The following WWOX variants were observed in gnomAD, a reference collection of about 807,000 sequenced individuals.
WWOX encodes the protein WW domain-containing oxidoreductase.
In WWOX, 69 loss-of-function variants were observed where a neutral mutation model predicts 46.2. The ratio of observed to expected loss-of-function variants is 1.49; its 90% CI spans 1.23 to 1.82. WWOX has a LOEUF of 1.82. WWOX is among the 40% of genes most tolerant of loss of function. The pLI is 0.00. For missense variants in WWOX, 919 were observed against 542.6 expected, an observed-to-expected ratio of 1.69 and a Z score of -6.89; for synonymous variants, 359 against 202.6, an observed-to-expected ratio of 1.77 and a Z score of -6.56.
At chr16:78,331,573 C>G (rs944478570) in intron 5 of WWOX, among the ~76,000 whole-genome samples, 3 of 152,162 alleles carry the variant, frequency 2.0e-5, no homozygotes, top group African/African-American at 7.2e-5. Context: ...TACCAGGCAG[C>G]ACACAGACGT....
rs368749554 is a variant in WWOX, at chr16:78,347,544, G to A, written c.517-39316G>A. ...TTGCATGTTCCTGAGCTTCTTAGGC[G>A]TGTTGCATCTTCCTGACCTTCCCAG... On this transcript the variant is annotated intron_variant, in intron 5 of 8. Transcript: ENST00000566780. Among the ~76,000 whole-genome samples, 11 of 118,552 alleles carry A rather than the reference G, an allele frequency of 9.3e-5. 3 individuals carry two copies. Among genetic ancestry groups the A allele is most frequent in the Non-Finnish European group, 1.8e-4 (9 of 49,980 alleles). 77.8% of individuals were successfully genotyped at this position (118,552 alleles called of 152,430 possible).
intron 4 of WWOX, chr16:78,124,136 A>C (rs1211952875): frequency 6.6e-6 from 1 of 152,170 alleles, no homozygotes; most frequent in Non-Finnish European, 1.5e-5. Flanking sequence ...ATGGGGACAA[A>C]AACGAATATG....
intron 8 of WWOX, among the ~76,000 whole-genome samples, chr16:78,481,852 TA>T (rs1364787722): frequency 1.3e-5 from 2 of 151,128 alleles, no homozygotes; most frequent in African/African-American, 4.8e-5. Flanking sequence ...GAACCTTTTC[TA>T]TTAATCTTCT....
intron 8 of WWOX, among the ~76,000 whole-genome samples, chr16:78,807,169 C>T (rs4145519): frequency 6.6e-6 from 1 of 151,994 alleles, no homozygotes; most frequent in African/African-American, 2.4e-5. Flanking sequence ...ATTTAGGTTT[C>T]TTGTGTCCTA....
At chr16:78,604,603 C>T (rs2045699604) in intron 8 of WWOX, among the ~76,000 whole-genome samples, 1 of 151,610 alleles carries the variant, frequency 6.6e-6, no homozygotes, top group Admixed American at 6.6e-5. Flanking sequence ...TATTATTTAC[C>T]CTTTTTCTTC....
intron 4 of WWOX, among the ~76,000 whole-genome samples, chr16:78,150,352 C>T (rs1597271778): frequency 6.6e-6 from 1 of 152,140 alleles, no homozygotes. Context: ...GGAAGCTCTC[C>T]AAACCCTATC....
intron 8 of WWOX, among the ~76,000 whole-genome samples, chr16:78,684,694 G>C (rs759161373): frequency 5.9e-5 from 9 of 152,146 alleles, no homozygotes; most frequent in Non-Finnish European, 1.5e-5. Context: ...TCTTCTTCCA[G>C]GTTAATCTTG....
chr16:78,775,713 A>G (rs1209628704), intron 8 of WWOX, among the ~76,000 whole-genome samples: 1 of 152,198 alleles, frequency 6.6e-6, no homozygotes, highest in East Asian at 1.9e-4. Flanking sequence ...ACAGGTGTTC[A>G]TTCAATGGTG....
intron 8 of WWOX, among the ~76,000 whole-genome samples, chr16:78,931,608 A>T (rs1451683554): frequency 1.3e-5 from 2 of 152,250 alleles, no homozygotes; most frequent in Admixed American, 6.5e-5. Flanking sequence ...GAGGAGGCAC[A>T]TATAAAAGTA....
chr16:79,068,105 G>T (rs1487438134), intron 8 of WWOX, among the ~76,000 whole-genome samples: 1 of 152,212 alleles, frequency 6.6e-6, no homozygotes, highest in Non-Finnish European at 1.5e-5. Flanking sequence ...GGCTCCGGAA[G>T]ATCCCTAACC....
At chr16:78,837,265 T>A (rs1211156493) in intron 8 of WWOX, among the ~76,000 whole-genome samples, 1 of 152,206 alleles carries the variant, frequency 6.6e-6, no homozygotes, top group Non-Finnish European at 1.5e-5. Context: ...TCATAGAGAT[T>A]ACCTTTCAAC....
At chr16:78,104,257 C>CACACACACACACACACAG (rs2031993982) in intron 1 of WWOX, among the ~76,000 whole-genome samples, 1 of 151,466 alleles carries the variant, frequency 6.6e-6, no homozygotes, top group African/African-American at 2.4e-5. Flanking sequence ...CACACACACA[C>CACACACACACACACACAG]ACACACACAC....
At chr16:78,582,073 G>A (rs925807028) in intron 8 of WWOX, among the ~76,000 whole-genome samples, 2 of 152,336 alleles carry the variant, frequency 1.3e-5, no homozygotes, top group Admixed American at 6.5e-5. Flanking sequence ...AACGCTGGGT[G>A]CAGAAGCATC....
intron 8 of WWOX, among the ~76,000 whole-genome samples, chr16:78,696,730 C>G (rs1453131291): frequency 1.3e-5 from 2 of 151,980 alleles, no homozygotes; most frequent in Admixed American, 6.6e-5. Context: ...AAGTTCTTTA[C>G]TGGTGATTGG....
chr16:78,715,847 A>G (rs533584276), intron 8 of WWOX, among the ~76,000 whole-genome samples: 6 of 152,192 alleles, frequency 3.9e-5, no homozygotes, highest in South Asian at 4.2e-4. Flanking sequence ...GCATGTGTCT[A>G]TTTGGCATGG....
rs2052099825 is a variant in WWOX at position 78,840,167 on chromosome 16, A to T, written c.1057-371441A>T. ...GTTTGTGGACATTGCCTCCCAGTTGACCCTCAGTGTGTACTTGTGGAATAA... is the reference window on the plus strand; with the variant it reads ...GTTTGTGGACATTGCCTCCCAGTTGTCCCTCAGTGTGTACTTGTGGAATAA... On this transcript the variant is annotated intron_variant, in intron 8 of 8. Coordinates refer to ENST00000566780, the MANE Select transcript of WWOX (RefSeq NM_016373.4). 3.3e-5 allele frequency among the ~76,000 whole-genome samples: 5 copies of T among 152,244 alleles called. No individual in the cohort carries two copies. The South Asian group carries it at 1.0e-3, about 32-fold the overall frequency.
intron 8 of WWOX, among the ~76,000 whole-genome samples, chr16:78,876,779 T>C (rs2044242503): frequency 6.6e-6 from 1 of 152,132 alleles, no homozygotes; most frequent in Non-Finnish European, 1.5e-5. Context: ...TAAAGGAAAA[T>C]GCCTTAAACA....
intron 8 of WWOX, among the ~76,000 whole-genome samples, chr16:79,197,712 A>G (rs913210138): frequency 6.6e-6 from 1 of 152,144 alleles, no homozygotes; most frequent in Non-Finnish European, 1.5e-5. Context: ...TAATTTATTT[A>G]TTTGTTCCCA....
chr16:78,710,941 C>G (rs1029933210), intron 8 of WWOX, among the ~76,000 whole-genome samples: 1 of 152,026 alleles, frequency 6.6e-6, no homozygotes, highest in East Asian at 1.9e-4. Flanking sequence ...AATTTTTTCT[C>G]CTTTCTTTTC....
Sources: gnomAD v4.1 joint callset for allele counts (sites outside exome capture counted in the v4.1 genomes callset) on GRCh38, gnomAD v4.1.1 for gene constraint, MANE v1.5 for transcripts, NCBI Gene and HGNC (gene_info 2026-07-23, HGNC 2026-07-21) for gene names.